The following COG5 variants were observed in gnomAD, a reference collection of about 807,000 sequenced individuals.
The protein encoded by COG5 is conserved oligomeric Golgi complex subunit 5.
In COG5, 86 loss-of-function variants were observed where a neutral mutation model predicts 110.4. The ratio of observed to expected loss-of-function variants is 0.78; its 90% CI spans 0.65 to 0.93. The LOEUF (loss-of-function observed/expected upper bound fraction) is 0.93, where lower values mean the gene tolerates loss of function less well. Among genes scored for constraint, COG5 ranks in the 40% least tolerant of loss-of-function variants. The pLI, the probability that COG5 is intolerant of heterozygous loss-of-function variation, is 0.00. For missense variants in COG5, 1,077 were observed against 987.0 expected, an observed-to-expected ratio of 1.09 and a Z score of -1.22; for synonymous variants, 360 against 334.6, an observed-to-expected ratio of 1.08 and a Z score of -0.83.
intron 5 of COG5, among the ~76,000 whole-genome samples, chr7:107,546,274 T>C (rs774666486): frequency 2.7e-4 from 41 of 151,760 alleles, no homozygotes; most frequent in Admixed American, 1.8e-3. Context: ...AGATTTCAAA[T>C]AAATAACCTA....
chr7:107,241,633 T>C (rs1369802537), intron 17 of COG5, among the ~76,000 whole-genome samples: 1 of 151,864 alleles, frequency 6.6e-6, no homozygotes, highest in East Asian at 1.9e-4. Context: ...TTTATATTTT[T>C]AGTAGAGACG....
At chr7:107,252,040 T>C (rs538360541) in intron 16 of COG5, among the ~76,000 whole-genome samples, 2 of 152,210 alleles carry the variant, frequency 1.3e-5, no homozygotes, top group Admixed American at 6.5e-5. Flanking sequence ...GTTATTCTTA[T>C]AGGTCCTAAA....
At position 107,558,103 on chromosome 7, in the gene COG5, T is replaced by C. The variant is rs1385437505; in HGVS notation, c.107A>G (p.Asp36Gly). The C allele has an allele frequency of 6.2e-7, 1 of 1,613,822 alleles. No individual in the cohort carries two copies. Among genetic ancestry groups the C allele is most frequent in the Non-Finnish European group, 8.5e-7 (1 of 1,179,868 alleles). ...TACATCAAAGTCTTCGTTTAAAAAGTCACTATAACACCCTGGATTGGGGAA... is the reference window on the plus strand; with the variant it reads ...TACATCAAAGTCTTCGTTTAAAAAGCCACTATAACACCCTGGATTGGGGAA... ...RELLQDGCYSDFLNEDFDVKT... is the reference protein window; with the variant it reads ...RELLQDGCYSGFLNEDFDVKT... Residue 36 changes from aspartate (D) to glycine (G), a missense_variant, in exon 2 of 22, where the codon GAC becomes GGC. By Grantham distance (94) the Asp-to-Gly change is moderately conservative. Coordinates refer to ENST00000297135, the MANE Select transcript of COG5 (RefSeq NM_006348.5).
At position 107,249,301 on chromosome 7, in the gene COG5, G is replaced by C. The variant is rs545897534; in HGVS notation, c.1750-802C>G. Among the ~76,000 whole-genome samples, 23 of 152,158 alleles carry C rather than the reference G, an allele frequency of 1.5e-4. No homozygotes were observed. The East Asian group carries it at 3.7e-3, about 24-fold the overall frequency. The stretch of plus-strand genomic sequence containing the variant: ...GGTACAAGTGTGTTACTAGCATCTA[G>C]TAGGTAGAGGACAAAGATGCTGCTA... On this transcript the variant is annotated intron_variant, in intron 16 of 21. Coordinates refer to ENST00000297135, the MANE Select transcript of COG5 (RefSeq NM_006348.5).
intron 10 of COG5, among the ~76,000 whole-genome samples, chr7:107,334,483 C>T (rs1057318778): frequency 3.3e-5 from 5 of 151,620 alleles, no homozygotes; most frequent in African/African-American, 1.2e-4. Context: ...TACCCCAAGG[C>T]ATATAATAAT....
intron 11 of COG5, among the ~76,000 whole-genome samples, chr7:107,302,093 C>A (rs1446866222): frequency 1.3e-5 from 2 of 152,162 alleles, no homozygotes; most frequent in African/African-American, 4.8e-5. Flanking sequence ...TGAACATTCA[C>A]AGTATCTTTA....
intron 14 of COG5, among the ~76,000 whole-genome samples, chr7:107,264,603 G>C (rs1803648462): frequency 6.6e-6 from 1 of 152,186 alleles, no homozygotes; most frequent in South Asian, 2.1e-4. Context: ...TAAGGTGTGA[G>C]GATGGTGTGA....
intron 6 of COG5, among the ~76,000 whole-genome samples, chr7:107,417,190 T>G (rs1200345424): frequency 6.6e-6 from 1 of 152,188 alleles, no homozygotes; most frequent in Non-Finnish European, 1.5e-5. Context: ...ACCATACAAA[T>G]ATATGTCTCA....
At chr7:107,224,760 C>T (rs182858738) in intron 19 of COG5, among the ~76,000 whole-genome samples, 4 of 152,346 alleles carry the variant, frequency 2.6e-5, no homozygotes, top group South Asian at 2.1e-4. Flanking sequence ...TGGACAAAGA[C>T]GGGGTCTCTA....
At chr7:107,315,953 C>T (rs1480549727) in intron 11 of COG5, among the ~76,000 whole-genome samples, 2 of 152,132 alleles carry the variant, frequency 1.3e-5, no homozygotes, top group East Asian at 1.9e-4. Context: ...TTTCACTATA[C>T]AAGACAGATA....
At chr7:107,299,553 C>G (rs1584643112) in intron 11 of COG5, among the ~76,000 whole-genome samples, 1 of 151,888 alleles carries the variant, frequency 6.6e-6, no homozygotes, top group Non-Finnish European at 1.5e-5. Flanking sequence ...CAAAGAAAAA[C>G]TTCAGGCTTA....
intron 6 of COG5, among the ~76,000 whole-genome samples, chr7:107,432,939 T>C (rs1794126896): frequency 6.6e-6 from 1 of 152,024 alleles, no homozygotes; most frequent in African/African-American, 2.4e-5. Context: ...ACCTTATAGA[T>C]TCCACACCAA....
intron 6 of COG5, among the ~76,000 whole-genome samples, chr7:107,519,956 C>T (rs777828489): frequency 1.4e-4 from 21 of 152,152 alleles, no homozygotes; most frequent in Non-Finnish European, 2.5e-4. Context: ...ACGATCAACT[C>T]GGCTTCATCC....
rs189276077 is a variant in COG5, at chr7:107,484,718, T to C, written c.538+42519A>G. Among the ~76,000 whole-genome samples, 9 of 152,340 alleles carry C rather than the reference T, an allele frequency of 5.9e-5. No individual in the cohort carries two copies. In the East Asian group the frequency reaches 1.5e-3, roughly 26 times the overall value. On this transcript the variant is annotated intron_variant, in intron 6 of 21. Coordinates refer to ENST00000297135, the MANE Select transcript of COG5 (RefSeq NM_006348.5). ...ACAAGAAGTCTCACATAGCTAATGA[T>C]TATAGTTTTCCTCAATGTACAATAA...
rs770132867 is a variant in COG5 at position 107,242,382 on chromosome 7, T to TG, written c.1854-5696dup. ...AATCCGAGTCTACTAGGGACTGGAA[T>TG]GGGCCCCAAGCATACTGCAGCAGCC... On this transcript the variant is annotated intron_variant, in intron 17 of 21. Coordinates refer to ENST00000297135, the MANE Select transcript of COG5 (RefSeq NM_006348.5). 3.3e-5 allele frequency among the ~76,000 whole-genome samples: 5 copies of TG among 152,286 alleles called. No homozygotes were observed. The East Asian group carries it at 9.7e-4, about 30-fold the overall frequency.
chr7:107,277,717 G>A (rs1429440938), intron 14 of COG5, among the ~76,000 whole-genome samples: 1 of 152,000 alleles, frequency 6.6e-6, no homozygotes, highest in Non-Finnish European at 1.5e-5. Flanking sequence ...GGTTAATGAT[G>A]GTAGTTATTT....
intron 7 of COG5, among the ~76,000 whole-genome samples, chr7:107,407,110 G>A (rs927526555): frequency 1.8e-4 from 28 of 152,304 alleles, no homozygotes; most frequent in Non-Finnish European, 2.1e-4. Flanking sequence ...GGCCAGGCAC[G>A]GTGGCTCACG....
chr7:107,277,700 C>T (rs143567833), intron 14 of COG5, among the ~76,000 whole-genome samples: 2 of 152,220 alleles, frequency 1.3e-5, no homozygotes, highest in African/African-American at 2.4e-5. Flanking sequence ...TCCTGATTCA[C>T]TATAAAGGTT....
intron 6 of COG5, among the ~76,000 whole-genome samples, chr7:107,468,467 T>C (rs1163305264): frequency 2.0e-5 from 3 of 151,974 alleles, no homozygotes; most frequent in Admixed American, 2.0e-4. Flanking sequence ...GTTTTCTTTA[T>C]AAATGGCTGG....
Sources: gnomAD v4.1 joint callset for allele counts (sites outside exome capture counted in the v4.1 genomes callset) on GRCh38, gnomAD v4.1.1 for gene constraint, MANE v1.5 for transcripts, NCBI Gene and HGNC (gene_info 2026-07-23, HGNC 2026-07-21) for gene names.